Variants in HNRNPA2B1 observed in about 807,000 individuals in gnomAD.
HNRNPA2B1 encodes heterogeneous nuclear ribonucleoproteins A2/B1.
A neutral mutation model predicts 46.3 loss-of-function variants in HNRNPA2B1; 3 were observed. The observed-to-expected ratio is 0.06, with a 90% CI of 0.03 to 0.17. HNRNPA2B1 has a LOEUF of 0.17. Ranked by LOEUF, HNRNPA2B1 falls within the 10% of genes least tolerant of loss-of-function variation. The probability of loss-of-function intolerance (pLI) is 1.00; values close to 1 mark genes in which losing one functional copy is unlikely to be tolerated. For missense variants in HNRNPA2B1, 221 were observed against 418.9 expected, an observed-to-expected ratio of 0.53 and a Z score of 4.12; for synonymous variants, 225 against 133.8, an observed-to-expected ratio of 1.68 and a Z score of -4.70.
intron 2 of HNRNPA2B1, 75 bp from the exon 3 acceptor site, chr7:26,197,536 A>T: frequency 6.4e-7 from 1 of 1,569,050 alleles, no homozygotes; most frequent in South Asian, 1.1e-5. Context: ...AGAATTTTTT[A>T]CTATGCTGAT....
At chr7:26,196,035 C>T (rs575492899) in intron 6 of HNRNPA2B1, 126 bp from the exon 7 acceptor site, 1 of 1,297,886 alleles carries the variant, frequency 7.7e-7, no homozygotes. Context: ...CACACCAGTG[C>T]TACCAGTTTA....
chr7:26,195,042 A>T lies in HNRNPA2B1; in HGVS notation c.721+805T>A, dbSNP rs139259759. ...CGGGAAGGCAGAGATTGCAGTGAGC[A>T]GAGACGCGCCACTACACTCCAGCCT... On this transcript the variant is annotated intron_variant, in intron 7 of 10. Coordinates refer to ENST00000618183, the MANE Select transcript of HNRNPA2B1 (RefSeq NM_002137.4). 3.1e-3 allele frequency among the ~76,000 whole-genome samples: 462 copies of T among 147,704 alleles called. 2 individuals carry two copies. The highest frequency in any genetic ancestry group is 0.011 in the African/African-American group (429 of 39,834).
intron 1 of HNRNPA2B1, chr7:26,199,489 C>T (rs879415103): frequency 6.6e-6 from 1 of 152,218 alleles, no homozygotes; most frequent in Admixed American, 6.5e-5. Context: ...ATTTCACTTT[C>T]CTCGTAATCA....
At position 26,196,600 on chromosome 7, in the gene HNRNPA2B1, T is replaced by C. The variant is rs1362244354; in HGVS notation, c.534A>G (p.Arg178=). Residue 178 remains arginine (R), a synonymous_variant, in exon 5 of 11, where the codon AGA becomes AGG. Coordinates refer to ENST00000618183, the MANE Select transcript of HNRNPA2B1 (RefSeq NM_002137.4). ...AACTCTGAACTTCCTGCATTTCTTG[T>C]CTAGACAAAGCCTTTCTTACTTCTG... The part of the protein sequence containing the change: ...HNAEVRKALS[R]QEMQEVQSSR... 3 of 1,614,150 alleles carry C rather than the reference T, an allele frequency of 1.9e-6. No individual in the cohort carries two copies. The highest frequency in any genetic ancestry group is 1.7e-6 in the Non-Finnish European group (2 of 1,179,980).
At chr7:26,194,790 A>G (rs960906848) in intron 7 of HNRNPA2B1, among the ~76,000 whole-genome samples, 3 of 149,740 alleles carry the variant, frequency 2.0e-5, no homozygotes, top group Non-Finnish European at 4.4e-5. Context: ...CATACTGCAA[A>G]ACAAAAATAA....
intron 9 of HNRNPA2B1, among the ~76,000 whole-genome samples, 153 bp from the exon 10 acceptor site, chr7:26,192,730 TA>T (rs1479807488): frequency 1.3e-5 from 2 of 152,246 alleles, no homozygotes; most frequent in Non-Finnish European, 2.9e-5. Flanking sequence ...ACTCAGGAGA[TA>T]AATTACTCGG....
rs746426875 is a variant in HNRNPA2B1, at chr7:26,197,386, C to T, written c.193G>A (p.Ala65Thr). The change falls in exon 3 of 11, where the codon GCT becomes ACT. Residue 65 changes from alanine to threonine, a missense_variant. Physicochemically the swap from Ala to Thr is moderately conservative, Grantham distance 58. Around this residue, in one of 2 missense-constraint regions of HNRNPA2B1, gnomAD observed 78 missense variants for 218.5 expected, o/e 0.36. Transcript: ENST00000618183. ...VTFSSMAEVD[A>T]AMAARPHSID... ...GAATGAGGTCTTGCAGCCATGGCAG[C>T]ATCAACCTCAGCCATGGATGAAAAA... The T allele has an allele frequency of 3.1e-6, 5 of 1,613,802 alleles. No individual in the cohort carries two copies. Among genetic ancestry groups the T allele is most frequent in the African/African-American group, 1.3e-5 (1 of 74,902 alleles).
At position 26,192,963 on chromosome 7, in the gene HNRNPA2B1, A is replaced by G. The variant is rs2070601; in HGVS notation, c.964+288T>C. Among the ~76,000 whole-genome samples the G allele has an allele frequency of 0.048, 7,350 of 152,220 alleles. 547 individuals carry two copies. Among genetic ancestry groups the G allele is most frequent in the East Asian group, 0.36 (1,843 of 5,152 alleles). Reference sequence around the variant, plus strand: ...TTCAAAGACCCTCATTCCAATGTATACCACTTGCAATGTGGGTTGCAACTG... The same window carrying G: ...TTCAAAGACCCTCATTCCAATGTATGCCACTTGCAATGTGGGTTGCAACTG... On this transcript the variant is annotated intron_variant, in intron 9 of 10. Transcript: ENST00000618183.
At chr7:26,197,518 G>A (rs759860557) in intron 2 of HNRNPA2B1, 57 bp from the exon 3 acceptor site, 170 of 1,589,294 alleles carry the variant, frequency 1.1e-4, no homozygotes, top group African/African-American at 9.5e-4. Context: ...TATAAGTGAA[G>A]TCATAATAGA....
intron 3 of HNRNPA2B1, 86 bp downstream of exon 3, chr7:26,197,229 T>C: frequency 6.9e-7 from 1 of 1,455,298 alleles, no homozygotes; most frequent in Non-Finnish European, 9.3e-7. Flanking sequence ...AAATCTTGAG[T>C]TAAAACTAAA....
Position 26,197,036 on chromosome 7 carries a change from A to T in HNRNPA2B1, c.265-19T>A. 1.9e-6 allele frequency: 3 copies of T among 1,578,820 alleles called. No individual in the cohort carries two copies. Among genetic ancestry groups the T allele is most frequent in the Non-Finnish European group, 2.6e-6 (3 of 1,153,668 alleles). On this transcript the variant is annotated intron_variant, in intron 3 of 10. Transcript: ENST00000618183. ...CAGATTCCTAAAATAGTGGTGGGGT[A>T]AAAGTCATCCAAACAGAAAAAAACA...
chr7:26,192,603 A>G (rs776700265), intron 9 of HNRNPA2B1, 26 bp from the exon 10 acceptor site: 1 of 1,593,598 alleles, frequency 6.3e-7, no homozygotes, highest in Non-Finnish European at 8.6e-7. Context: ...CAGCAAGAGA[A>G]AACAAACTTA....
chr7:26,197,129 T>A, intron 3 of HNRNPA2B1, 112 bp from the exon 4 acceptor site: 2 of 1,104,502 alleles, frequency 1.8e-6, no homozygotes, highest in Non-Finnish European at 2.6e-6. Context: ...AACTACCAGA[T>A]ATAAAATAGC....
intron 7 of HNRNPA2B1, 135 bp from the exon 8 acceptor site, chr7:26,193,829 G>C: frequency 1.3e-6 from 1 of 780,824 alleles, no homozygotes; most frequent in Non-Finnish European, 2.0e-6. Flanking sequence ...TAGCTTCAAG[G>C]ACTGAATAAC....
At position 26,196,958 on chromosome 7, in the gene HNRNPA2B1, T is replaced by C. The variant is rs1583992666; in HGVS notation, c.324A>G (p.Lys108=). 1 of 1,613,928 alleles carries C rather than the reference T, an allele frequency of 6.2e-7. No individual in the cohort carries two copies. The highest frequency in any genetic ancestry group is 1.1e-5 in the South Asian group (1 of 91,080). The part of the protein sequence containing the change: ...TVKKLFVGGI[K]EDTEEHHLRD... The stretch of plus-strand genomic sequence containing the variant: ...TAAGGTGATGTTCCTCAGTATCTTC[T>C]TTAATTCCGCCAACAAACAGCTTCT... Residue 108 remains lysine, a synonymous_variant, in exon 4 of 11, where the codon AAA becomes AAG. Coordinates refer to ENST00000618183, the MANE Select transcript of HNRNPA2B1 (RefSeq NM_002137.4).
chr7:26,199,645 C>T (rs918603086), intron 1 of HNRNPA2B1: 1 of 151,988 alleles, frequency 6.6e-6, no homozygotes, highest in Non-Finnish European at 1.5e-5. Context: ...GCCCAGAAAA[C>T]CACCTTCGTC....
rs756561817 is a variant in HNRNPA2B1, at chr7:26,196,382, C to T, written c.658+19G>A. On this transcript the variant is annotated intron_variant, in intron 6 of 10. Coordinates refer to ENST00000618183, the MANE Select transcript of HNRNPA2B1 (RefSeq NM_002137.4). Reference sequence around the variant, plus strand: ...TAAAAGCACACTCATCCTTTAAACACGTAGAACTTGAAACTCACCAGATCC... The same window carrying T: ...TAAAAGCACACTCATCCTTTAAACATGTAGAACTTGAAACTCACCAGATCC... The T allele has an allele frequency of 4.4e-5, 70 of 1,589,954 alleles. No homozygotes were observed. The highest frequency in any genetic ancestry group is 5.6e-5 in the Non-Finnish European group (65 of 1,160,160).
Position 26,191,805 on chromosome 7 carries a change from C to T in HNRNPA2B1, c.*555G>A, listed in dbSNP as rs1583960785. On this transcript the variant is annotated 3_prime_UTR_variant, in exon 11 of 11. Coordinates refer to ENST00000618183, the MANE Select transcript of HNRNPA2B1 (RefSeq NM_002137.4). ...ACGGACCTTAATTATACTACCCACT[C>T]CTTAACTTATTTAAAATAAAAAGTC... 6.6e-6 allele frequency: 1 copy of T among 152,558 alleles called. No individual in the cohort carries two copies. Among genetic ancestry groups the T allele is most frequent in the Admixed American group, 6.5e-5 (1 of 15,280 alleles). 9.5% of individuals were successfully genotyped at this position (152,558 alleles called of 1,614,324 possible).
chr7:26,194,205 G>A (rs868272005), intron 7 of HNRNPA2B1, among the ~76,000 whole-genome samples: 1 of 152,086 alleles, frequency 6.6e-6, no homozygotes, highest in Non-Finnish European at 1.5e-5. Flanking sequence ...GACCACCCTG[G>A]CTAACACGGT....
Sources: allele counts gnomAD v4.1 joint callset (sites outside exome capture counted in the v4.1 genomes callset), GRCh38; gene constraint gnomAD v4.1.1; regional missense constraint gnomAD v4.1.1; transcripts MANE v1.5; gene names NCBI Gene and HGNC (gene_info 2026-07-23, HGNC 2026-07-21).